Variants in ACSS3 observed in about 807,000 individuals in gnomAD.
The protein encoded by ACSS3 is acyl-CoA synthetase short chain family member 3, also known as acyl-CoA synthetase short-chain family member 3, mitochondrial.
In ACSS3, 64 loss-of-function variants were observed where a neutral mutation model predicts 84.2. That is an observed-to-expected ratio of 0.76 (90% CI 0.62 to 0.94). The LOEUF (loss-of-function observed/expected upper bound fraction) is 0.94. Among genes scored for constraint, ACSS3 ranks in the 40% least tolerant of loss-of-function variants. ACSS3 has a pLI of 0.00. For missense variants in ACSS3, 815 were observed against 867.6 expected (o/e 0.94, Z 0.76); for synonymous variants, 317 against 310.1 (o/e 1.02, Z -0.23).
intron 13 of ACSS3, among the ~76,000 whole-genome samples, chr12:81,242,794 A>G (rs10778806): frequency 0.68 from 98,378 of 144,302 alleles, 34,136 homozygotes; most frequent in Non-Finnish European, 0.76. Context: ...AAAGGCCTTC[A>G]ACAAAATTCA....
At chr12:81,173,418 A>G (rs1463306983) in intron 7 of ACSS3, among the ~76,000 whole-genome samples, 1 of 152,224 alleles carries the variant, frequency 6.6e-6, no homozygotes, top group African/African-American at 2.4e-5. Context: ...AGAGCAAAAT[A>G]GAAAGCAATA....
intron 9 of ACSS3, among the ~76,000 whole-genome samples, chr12:81,213,733 C>T (rs938266454): frequency 8.4e-6 from 1 of 118,980 alleles, no homozygotes; most frequent in East Asian, 2.6e-4. Context: ...CTCCCCTCCG[C>T]TCCCCTCCGC....
At chr12:81,179,579 G>A (rs899136854) in intron 8 of ACSS3, among the ~76,000 whole-genome samples, 5 of 151,886 alleles carry the variant, frequency 3.3e-5, no homozygotes, top group Admixed American at 6.6e-5. Context: ...TCAGGAGATC[G>A]AGACCCCAGT....
At chr12:81,249,174 G>T (rs1359052459) in intron 13 of ACSS3, among the ~76,000 whole-genome samples, 1 of 152,032 alleles carries the variant, frequency 6.6e-6, no homozygotes, top group African/African-American at 2.4e-5. Context: ...GGAGTTCTTA[G>T]AAAAATTGTG....
intron 2 of ACSS3, among the ~76,000 whole-genome samples, chr12:81,127,292 C>T (rs965211270): frequency 2.6e-5 from 4 of 151,924 alleles, no homozygotes; most frequent in Non-Finnish European, 4.4e-5. Context: ...GAAAAATTCT[C>T]TTCCAAAAAA....
chr12:81,216,818 G>T (rs2032933366), intron 9 of ACSS3, 83 bp from the exon 10 acceptor site: 4 of 1,088,016 alleles, frequency 3.7e-6, no homozygotes, highest in Non-Finnish European at 5.6e-6. Flanking sequence ...ACAAACTAGG[G>T]TGGGGTAGAG....
At position 81,124,981 on chromosome 12, in the gene ACSS3, G is replaced by A. The variant is rs1288421190; in HGVS notation, c.457-9835G>A. Reference sequence around the variant, plus strand: ...TGTAATCCCAGCACTTTGGGAGGCCGAGGCGGGCAGATCACGAGGTCAGGA... The same window carrying A: ...TGTAATCCCAGCACTTTGGGAGGCCAAGGCGGGCAGATCACGAGGTCAGGA... On this transcript the variant is annotated intron_variant, in intron 2 of 15. Transcript: ENST00000548058. Among the ~76,000 whole-genome samples, 21 of 152,292 alleles carry A rather than the reference G, an allele frequency of 1.4e-4. No individual in the cohort carries two copies. In the East Asian group the frequency reaches 4.1e-3, roughly 29 times the overall value.
intron 9 of ACSS3, 140 bp from the exon 10 acceptor site, chr12:81,216,755 TTAAATA>T (rs1593209186): frequency 2.2e-6 from 1 of 452,638 alleles, no homozygotes; most frequent in African/African-American, 2.0e-5. Context: ...CTTTAAATTT[TTAAATA>T]ATATATTTGC....
At chr12:81,157,334 A>G (rs1886925067) in intron 7 of ACSS3, among the ~76,000 whole-genome samples, 1 of 152,222 alleles carries the variant, frequency 6.6e-6, no homozygotes, top group Admixed American at 6.5e-5. Context: ...TCAGAAAACT[A>G]GTAATTGAAA....
intron 8 of ACSS3, among the ~76,000 whole-genome samples, chr12:81,175,779 A>G (rs992947004): frequency 6.6e-6 from 1 of 152,240 alleles, no homozygotes; most frequent in Admixed American, 6.5e-5. Context: ...AAATTAAGGT[A>G]GAAATCAAGA....
chr12:81,212,816 T>C (rs895306472), intron 9 of ACSS3, among the ~76,000 whole-genome samples: 4 of 152,202 alleles, frequency 2.6e-5, no homozygotes, highest in African/African-American at 9.6e-5. Flanking sequence ...AGACATGCAG[T>C]AAAGATACCA....
At chr12:81,135,756 C>T (rs1885768790) in intron 3 of ACSS3, among the ~76,000 whole-genome samples, 1 of 151,966 alleles carries the variant, frequency 6.6e-6, no homozygotes, top group Non-Finnish European at 1.5e-5. Flanking sequence ...CCTAAAAGTC[C>T]AGACTTCAAG....
rs1272083326 is a variant in ACSS3 at position 81,227,513 on chromosome 12, T to A, written c.1515-3544T>A. On this transcript the variant is annotated intron_variant, in intron 11 of 15. Transcript: ENST00000548058. ...CCTTATTGCTATACCTTACATATTT[T>A]AAGAAATCAATATCTATTTGCTGAT... Among the ~76,000 whole-genome samples, 3 of 151,860 alleles carry A rather than the reference T, an allele frequency of 2.0e-5. No homozygotes were observed. In the East Asian group the frequency reaches 5.8e-4, roughly 29 times the overall value.
intron 9 of ACSS3, among the ~76,000 whole-genome samples, chr12:81,212,851 A>G (rs1031302802): frequency 5.3e-5 from 8 of 152,322 alleles, no homozygotes; most frequent in South Asian, 4.1e-4. Context: ...TTTTAAAAAC[A>G]AGGAAATTTC....
At chr12:81,249,733 C>G (rs770645868) in intron 13 of ACSS3, among the ~76,000 whole-genome samples, 1 of 151,974 alleles carries the variant, frequency 6.6e-6, no homozygotes, top group Non-Finnish European at 1.5e-5. Context: ...GACAAGTTTC[C>G]TAGATTACTT....
At chr12:81,085,268 C>T (rs1451871633) in intron 1 of ACSS3, among the ~76,000 whole-genome samples, 1 of 152,160 alleles carries the variant, frequency 6.6e-6, no homozygotes, top group African/African-American at 2.4e-5. Flanking sequence ...ATAAAGAGTA[C>T]TCAGTAGATC....
At chr12:81,166,862 A>G (rs1887427419) in intron 7 of ACSS3, among the ~76,000 whole-genome samples, 1 of 152,264 alleles carries the variant, frequency 6.6e-6, no homozygotes, top group Non-Finnish European at 1.5e-5. Context: ...CTTCCTGGGC[A>G]GAAGTCTGGC....
intron 5 of ACSS3, among the ~76,000 whole-genome samples, chr12:81,148,216 A>G (rs971661619): frequency 1.3e-5 from 2 of 152,006 alleles, no homozygotes; most frequent in Non-Finnish European, 2.9e-5. Flanking sequence ...ATCTTACCAC[A>G]CACTTCAGGC....
At chr12:81,148,857 C>G (rs956393121) in intron 5 of ACSS3, among the ~76,000 whole-genome samples, 1 of 136,380 alleles carries the variant, frequency 7.3e-6, no homozygotes, top group Non-Finnish European at 1.5e-5. Context: ...GTCTGGAGAT[C>G]GAGACCATCC....
Sources: allele counts gnomAD v4.1 joint callset (sites outside exome capture counted in the v4.1 genomes callset), GRCh38; gene constraint gnomAD v4.1.1; transcripts MANE v1.5; gene names NCBI Gene and HGNC (gene_info 2026-07-23, HGNC 2026-07-21).